The following ZNF335 variants were observed in gnomAD, a reference collection of about 807,000 sequenced individuals.
The protein encoded by ZNF335 is NRC-interacting factor 1.
In ZNF335, 84 loss-of-function variants were observed where a neutral mutation model predicts 145.6. The ratio of observed to expected loss-of-function variants is 0.58; its 90% CI spans 0.48 to 0.69. The LOEUF is 0.69. Among genes scored for constraint, ZNF335 ranks in the 30% least tolerant of loss-of-function variants. ZNF335 has a pLI of 0.00. For synonymous variants in ZNF335, 761 were observed against 717.0 expected, an observed-to-expected ratio of 1.06 and a Z score of -0.98; for missense variants, 1,865 against 1,809.7, an observed-to-expected ratio of 1.03 and a Z score of -0.55.
At chr20:45,957,747 C>T (rs2083755464) in intron 16 of ZNF335, 67 bp from the exon 17 acceptor site, 8 of 1,604,396 alleles carry the variant, frequency 5.0e-6, no homozygotes, top group Non-Finnish European at 6.8e-6. Context: ...ACCCCCTCCC[C>T]ATCTTCCAGC....
In ZNF335 at chr20:45,960,681, T is replaced by C. The variant is rs1168147363; in HGVS notation, c.1717A>G (p.Met573Val). The stretch of plus-strand genomic sequence containing the variant: ...ATGTGCTGCGTGAGTCTTTTCTGCA[T>C]GGGGTACACACGGCCACACACAGGG... ...PCPVCGRVYP[M>V]QKRLTQHMKT... is the part of the protein sequence containing the mutation. Residue 573 changes from methionine to valine, a missense_variant, in exon 12 of 28, where the codon ATG becomes GTG. Coordinates refer to ENST00000322927, the MANE Select transcript of ZNF335 (RefSeq NM_022095.4). The C allele has an allele frequency of 6.2e-7, 1 of 1,614,022 alleles. No individual in the cohort carries two copies. Among genetic ancestry groups the C allele is most frequent in the African/African-American group, 1.3e-5 (1 of 74,974 alleles).
Position 45,967,857 on chromosome 20 carries a change from G to C in ZNF335, c.691C>G (p.Gln231Glu). 2 of 1,613,436 alleles carry C rather than the reference G, an allele frequency of 1.2e-6. No individual in the cohort carries two copies. Among genetic ancestry groups the C allele is most frequent in the Non-Finnish European group, 1.7e-6 (2 of 1,180,032 alleles). Residue 231 changes from glutamine to glutamate, a missense_variant, in exon 5 of 28, where the codon CAG becomes GAG. By Grantham distance (29) the Gln-to-Glu change is conservative. Coordinates refer to ENST00000322927, the MANE Select transcript of ZNF335 (RefSeq NM_022095.4). ...ACCTCCATCATGGCCTCCAGGCTCT[G>C]CAGGTCCGGCTCTTCGGCACCGGAG... is the stretch of plus-strand genomic sequence containing the variant. ...PASGAEEPDL[Q>E]SLEAMMEVVV... is the part of the protein sequence containing the mutation.
intron 9 of ZNF335, among the ~76,000 whole-genome samples, chr20:45,962,749 T>C (rs1241604432): frequency 6.6e-6 from 1 of 151,542 alleles, no homozygotes; most frequent in Non-Finnish European, 1.5e-5. Flanking sequence ...CATAAAAGGC[T>C]CAGGGCTGCT....
rs1321275832 is a variant in ZNF335, at chr20:45,950,335, C to T, written c.3371G>A (p.Arg1124Gln). 14 of 1,582,560 alleles carry T rather than the reference C, an allele frequency of 8.8e-6. No homozygotes were observed. Among genetic ancestry groups the T allele is most frequent in the South Asian group, 3.5e-5 (3 of 84,994 alleles). The part of the protein sequence containing the change: ...RNGHLKFHIQ[R>Q]LHSPDGRKSG... ...CTTCCTCCCATCAGGACTGTGCAGC[C>T]GCTGGATGTGGAACTTGAGGTGCCC... is the stretch of plus-strand genomic sequence containing the variant. Residue 1124 changes from arginine to glutamine, a missense_variant, in exon 22 of 28, where the codon CGG becomes CAG. Transcript: ENST00000322927.
rs142224018 is a variant in ZNF335, at chr20:45,963,601, T to C, written c.1405A>G (p.Ile469Val). ...TGGGACAGAAAGCGAGAACCACAGA[T>C]GCGGCACAGGAAGGGCCTCAAAAGT... ...KPLLRPFLCRICGSRFLSHED... is the reference protein window; with the variant it reads ...KPLLRPFLCRVCGSRFLSHED... Residue 469 changes from isoleucine to valine, a missense_variant, in exon 9 of 28, where the codon ATC becomes GTC. Transcript: ENST00000322927. 2.1e-5 allele frequency: 34 copies of C among 1,614,030 alleles called. No individual in the cohort carries two copies. Among genetic ancestry groups the C allele is most frequent in the Non-Finnish European group, 2.8e-5 (33 of 1,180,042 alleles).
rs1431720585 is a variant in ZNF335 at position 45,952,506 on chromosome 20, A to T, written c.2830T>A (p.Ser944Thr). The T allele has an allele frequency of 6.4e-7, 1 of 1,573,778 alleles. No individual in the cohort carries two copies. Among genetic ancestry groups the T allele is most frequent in the Non-Finnish European group, 8.7e-7 (1 of 1,155,994 alleles). Residue 944 changes from serine to threonine, a missense_variant, in exon 20 of 28, where the codon TCC (serine) becomes ACC (threonine). Ser to Thr is a moderately conservative substitution (Grantham distance 58). Coordinates refer to ENST00000322927, the MANE Select transcript of ZNF335 (RefSeq NM_022095.4). ...LHHIELTADG[S>T]ISFPSPDALA... is the part of the protein sequence containing the mutation. ...GCATCTGGACTTGGGAAGGAGATGG[A>T]GCCATCTGCGGTGAGCTGTAGAGAG...
chr20:45,966,264 G>C (rs574358750), intron 6 of ZNF335, among the ~76,000 whole-genome samples: 59 of 150,764 alleles, frequency 3.9e-4, no homozygotes, highest in African/African-American at 1.4e-3. Flanking sequence ...TATTTTAGTA[G>C]AGACAGGATT....
chr20:45,971,612 C>T, intron 1 of ZNF335, 152 bp from the exon 2 acceptor site: 3 of 985,486 alleles, frequency 3.0e-6, no homozygotes, highest in Non-Finnish European at 3.6e-6. Flanking sequence ...GCGAGGGGAG[C>T]TCGGGAAAAA....
chr20:45,954,685 G>T (rs1371050611), intron 17 of ZNF335, among the ~76,000 whole-genome samples: 2 of 150,782 alleles, frequency 1.3e-5, no homozygotes, highest in African/African-American at 2.4e-5. Flanking sequence ...ACAAATACAG[G>T]ACACAAACAG....
Position 45,965,692 on chromosome 20 carries a change from C to A in ZNF335, c.1038G>T (p.Arg346Ser). The change falls in exon 7 of 28, where the codon AGG becomes AGT. Residue 346 changes from arginine to serine, a missense_variant. Transcript: ENST00000322927. Reference protein sequence around the residue: ...RLQRPTPSTPRPRRRPGRPRK... With the variant: ...RLQRPTPSTPSPRRRPGRPRK... Reference sequence around the variant, plus strand: ...GGGGCCGGCCAGGTCTCCTTCGGGGCCTTGGGGTACTGGGGGTGGGGCGCT... The same window carrying A: ...GGGGCCGGCCAGGTCTCCTTCGGGGACTTGGGGTACTGGGGGTGGGGCGCT... 1 of 1,602,988 alleles carries A rather than the reference C, an allele frequency of 6.2e-7. No homozygotes were observed. The highest frequency in any genetic ancestry group is 8.5e-7 in the Non-Finnish European group (1 of 1,175,720).
intron 20 of ZNF335, among the ~76,000 whole-genome samples, chr20:45,951,934 ACT>A (rs575404110): frequency 2.9e-4 from 44 of 152,188 alleles, no homozygotes; most frequent in Non-Finnish European, 6.0e-4. Flanking sequence ...CACTCGGGAC[ACT>A]GTGTCTGGCA....
intron 20 of ZNF335, 130 bp from the exon 21 acceptor site, chr20:45,950,725 A>G: frequency 7.8e-7 from 1 of 1,278,646 alleles, no homozygotes; most frequent in Non-Finnish European, 1.1e-6. Context: ...CCTGTGCACT[A>G]ACAAGAAGCT....
chr20:45,971,949 G>A, intron 1 of ZNF335, 173 bp downstream of exon 1: 2 of 985,440 alleles, frequency 2.0e-6, no homozygotes, highest in Non-Finnish European at 2.4e-6. Flanking sequence ...CCATCTTGTG[G>A]TGGCGCCGGG....
Position 45,952,603 on chromosome 20 carries a change from T to C in ZNF335, c.2809A>G (p.Ile937Val), listed in dbSNP as rs745550703. 2.5e-6 allele frequency: 4 copies of C among 1,613,914 alleles called. No individual in the cohort carries two copies. The highest frequency in any genetic ancestry group is 3.4e-6 in the Non-Finnish European group (4 of 1,179,988). The change falls in exon 19 of 28, where the codon ATT becomes GTT. Residue 937 changes from isoleucine to valine, a missense_variant. Physicochemically the swap from Ile to Val is conservative, Grantham distance 29. Transcript: ENST00000322927. ...MATDGTQLHH[I>V]ELTADGSISF... Reference sequence around the variant, plus strand: ...TTGGCATCCCCAAGCCTCACCTCAATGTGGTGCAACTGGGTACCATCAGTA... The same window carrying C: ...TTGGCATCCCCAAGCCTCACCTCAACGTGGTGCAACTGGGTACCATCAGTA...
chr20:45,964,106 G>T, intron 7 of ZNF335, 116 bp from the exon 8 acceptor site: 1 of 1,311,038 alleles, frequency 7.6e-7, no homozygotes, highest in East Asian at 2.5e-5. Flanking sequence ...GACCACTGAT[G>T]GGTGCATTGA....
chr20:45,949,592 G>C (rs752824823), intron 24 of ZNF335, 24 bp from the exon 25 acceptor site: 1 of 1,596,118 alleles, frequency 6.3e-7, no homozygotes, highest in South Asian at 1.1e-5. Flanking sequence ...GGGCGGGCAT[G>C]GCGAGGCAGG....
At chr20:45,950,685 C>T (rs2083614930) in intron 20 of ZNF335, 90 bp from the exon 21 acceptor site, 1 of 1,563,252 alleles carries the variant, frequency 6.4e-7, no homozygotes, top group African/African-American at 1.4e-5. Context: ...GTCAGGGAAC[C>T]AGACAAAGTG....
chr20:45,966,530 A>G (rs1190444202), intron 6 of ZNF335, among the ~76,000 whole-genome samples: 1 of 149,608 alleles, frequency 6.7e-6, no homozygotes, highest in Non-Finnish European at 1.5e-5. Flanking sequence ...CAACTCAGCA[A>G]GACTCTGTTT....
rs1215145067 is a variant in ZNF335, at chr20:45,952,519, G to A, written c.2817C>T (p.Leu939=). The change falls in exon 20 of 28, where the codon CTC becomes CTT. Residue 939 remains leucine (L), a splice_region_variant and synonymous_variant. Coordinates refer to ENST00000322927, the MANE Select transcript of ZNF335 (RefSeq NM_022095.4). ...TDGTQLHHIE[L]TADGSISFPS... is the part of the protein sequence containing the mutation. ...GGAAGGAGATGGAGCCATCTGCGGTGAGCTGTAGAGAGACAGGGAGCATGA... is the reference window on the plus strand; with the variant it reads ...GGAAGGAGATGGAGCCATCTGCGGTAAGCTGTAGAGAGACAGGGAGCATGA... 42 of 1,586,300 alleles carry A rather than the reference G, an allele frequency of 2.6e-5. No homozygotes were observed. The highest frequency in any genetic ancestry group is 5.1e-5 in the Admixed American group (3 of 58,384).
Sources: allele counts gnomAD v4.1 joint callset (sites outside exome capture counted in the v4.1 genomes callset), GRCh38; gene constraint gnomAD v4.1.1; transcripts MANE v1.5; gene names NCBI Gene and HGNC (gene_info 2026-07-23, HGNC 2026-07-21).